The following GPHN variants were observed in gnomAD, a reference collection of about 807,000 sequenced individuals.
GPHN encodes gephyrin.
Under a neutral mutation model 95.5 loss-of-function variants are expected in GPHN, and 17 were observed. That is an observed-to-expected ratio of 0.18 (90% confidence interval 0.12 to 0.27). The LOEUF is 0.27. Among genes scored for constraint, GPHN ranks in the 10% least tolerant of loss-of-function variants. The probability of loss-of-function intolerance (pLI) is 1.00; values close to 1 mark genes in which losing one functional copy is unlikely to be tolerated. For missense variants in GPHN, 660 were observed against 978.1 expected (o/e 0.67, Z 4.34); for synonymous variants, 320 against 322.5 (o/e 0.99, Z 0.08).
intron 1 of GPHN, among the ~76,000 whole-genome samples, chr14:66,571,305 G>A (rs778363525): frequency 2.6e-5 from 4 of 152,130 alleles, no homozygotes; most frequent in African/African-American, 7.2e-5. Flanking sequence ...AACTGCCCTC[G>A]TGATCCAGTC....
chr14:66,783,505 C>G (rs1360201562), intron 3 of GPHN, among the ~76,000 whole-genome samples: 1 of 152,184 alleles, frequency 6.6e-6, no homozygotes, highest in African/African-American at 2.4e-5. Flanking sequence ...TGAGACTTAA[C>G]AAGGCAGCAC....
At chr14:67,307,468 T>A in the GPHN span, among the ~76,000 whole-genome samples, 1 of 152,232 alleles carries the variant, frequency 6.6e-6, no homozygotes, top group Non-Finnish European at 1.5e-5. Flanking sequence ...TTATTGATTG[T>A]TTAATACATA....
the GPHN span, among the ~76,000 whole-genome samples, chr14:67,619,385 C>A: frequency 6.6e-6 from 1 of 152,234 alleles, no homozygotes; most frequent in South Asian, 2.1e-4. Context: ...GTGCCCGGCT[C>A]AGAGAGCTCT....
chr14:67,694,518 T>A, the GPHN span, among the ~76,000 whole-genome samples: 57 of 80,516 alleles, frequency 7.1e-4, no homozygotes, highest in East Asian at 0.011. Flanking sequence ...ACACATATAT[T>A]TTTTTTTTTT....
chr14:67,548,485 G>A, the GPHN span, among the ~76,000 whole-genome samples: 1 of 152,282 alleles, frequency 6.6e-6, no homozygotes, highest in South Asian at 2.1e-4. Flanking sequence ...ATCACCTGAG[G>A]TCGGGAGTTT....
At chr14:67,679,976 T>A in the GPHN span, among the ~76,000 whole-genome samples, 1 of 152,176 alleles carries the variant, frequency 6.6e-6, no homozygotes, top group Non-Finnish European at 1.5e-5. Flanking sequence ...ATATGCAAAC[T>A]CTTAACACTA....
the GPHN span, among the ~76,000 whole-genome samples, chr14:67,236,112 G>T: frequency 2.6e-5 from 4 of 152,176 alleles, no homozygotes; most frequent in African/African-American, 9.6e-5. Flanking sequence ...AGTCTCTTAA[G>T]TATACTAAAG....
chr14:67,138,437 G>A (rs972921677), intron 17 of GPHN, among the ~76,000 whole-genome samples: 58 of 152,146 alleles, frequency 3.8e-4, no homozygotes, highest in African/African-American at 1.3e-3. Context: ...AGAAAATCAT[G>A]AACTGTTTTC....
intron 1 of GPHN, among the ~76,000 whole-genome samples, chr14:66,586,592 A>G (rs554787240): frequency 1.3e-5 from 2 of 152,128 alleles, no homozygotes; most frequent in South Asian, 2.1e-4. Flanking sequence ...GGTGGTGACA[A>G]CATATCTCAG....
the GPHN span, among the ~76,000 whole-genome samples, chr14:67,439,590 T>TTTC: frequency 2.5e-5 from 3 of 120,700 alleles, no homozygotes; most frequent in Non-Finnish European, 3.1e-5. Flanking sequence ...TCTTTCTTTC[T>TTTC]TTCTTCTTTC....
At chr14:67,330,815 C>T in the GPHN span, among the ~76,000 whole-genome samples, 1 of 152,146 alleles carries the variant, frequency 6.6e-6, no homozygotes, top group Non-Finnish European at 1.5e-5. Context: ...ATAGTTTCCA[C>T]CTATTTGGAG....
chr14:66,643,664 GA>G (rs2064568759), intron 1 of GPHN, among the ~76,000 whole-genome samples: 1 of 151,568 alleles, frequency 6.6e-6, no homozygotes, highest in East Asian at 1.9e-4. Context: ...ATAAAGTTCA[GA>G]AACAGACAAA....
intron 4 of GPHN, among the ~76,000 whole-genome samples, chr14:66,839,719 A>C (rs1230023496): frequency 6.6e-6 from 1 of 152,194 alleles, no homozygotes; most frequent in East Asian, 1.9e-4. Context: ...ATGAGATTCA[A>C]AAGAAATTCA....
the GPHN span, chr14:67,386,381 C>T: frequency 6.6e-6 from 1 of 152,214 alleles, no homozygotes; most frequent in Non-Finnish European, 1.5e-5. Flanking sequence ...TATCCACTCC[C>T]CTTAAATGTA....
chr14:67,712,889 G>A, the GPHN span, among the ~76,000 whole-genome samples: 1 of 151,906 alleles, frequency 6.6e-6, no homozygotes, highest in Non-Finnish European at 1.5e-5. Flanking sequence ...ATAAAAAAAT[G>A]TTCCCTTCTC....
the GPHN span, chr14:67,340,204 T>C: frequency 2.2e-6 from 1 of 452,380 alleles, no homozygotes; most frequent in Non-Finnish European, 4.0e-6. Flanking sequence ...AAATCAAACC[T>C]AAACAGTTTC....
rs35887611 is a variant in GPHN, at chr14:67,074,186, C to CTT, written c.1145-14784_1145-14783dup. On this transcript the variant is annotated intron_variant, in intron 11 of 22. Coordinates refer to ENST00000478722, the MANE Select transcript of GPHN (RefSeq NM_020806.5). ...CACTTTATTGACTTTGCAGATATTC[C>CTT]TTTTTTTTTTTTTTAACAAATTGAA... Among the ~76,000 whole-genome samples, 311 of 144,228 alleles carry CTT rather than the reference C, an allele frequency of 2.2e-3. 7 individuals are homozygous for CTT. The highest frequency in any genetic ancestry group is 9.6e-3 in the East Asian group (48 of 4,984). 94.6% of individuals were successfully genotyped at this position (144,228 alleles called of 152,430 possible).
At chr14:66,590,946 A>G (rs1455748335) in intron 1 of GPHN, among the ~76,000 whole-genome samples, 1 of 152,204 alleles carries the variant, frequency 6.6e-6, no homozygotes, top group Non-Finnish European at 1.5e-5. Flanking sequence ...CACATCAAAA[A>G]TCTTATCCAC....
chr14:67,301,475 T>G, the GPHN span: 2 of 1,595,848 alleles, frequency 1.3e-6, no homozygotes, highest in Non-Finnish European at 1.7e-6. Context: ...AGGTAGAAAA[T>G]GGACAGAATA....
Sources: gnomAD v4.1 joint callset for allele counts (sites outside exome capture counted in the v4.1 genomes callset) on GRCh38, gnomAD v4.1.1 for gene constraint, MANE v1.5 for transcripts, NCBI Gene and HGNC (gene_info 2026-07-23, HGNC 2026-07-21) for gene names.